The following SV2C variants were observed in gnomAD, a reference collection of about 807,000 sequenced individuals.
The protein encoded by SV2C is synaptic vesicle glycoprotein 2C, also known as solute carrier family 22 member B3.
Under a neutral mutation model 79.7 loss-of-function variants are expected in SV2C, and 49 were observed. The ratio of observed to expected loss-of-function variants is 0.61; its 90% confidence interval spans 0.49 to 0.78. The LOEUF (loss-of-function observed/expected upper bound fraction) is 0.78, where lower values mean the gene tolerates loss of function less well. SV2C is among the 30% of genes least tolerant of loss of function. The pLI is 0.00. For synonymous variants in SV2C, 334 were observed against 333.2 expected, an observed-to-expected ratio of 1.00 and a Z score of -0.03; for missense variants, 833 against 912.9, an observed-to-expected ratio of 0.91 and a Z score of 1.13.
chr5:76,032,409 C>T, the SV2C span, among the ~76,000 whole-genome samples: 26 of 152,152 alleles, frequency 1.7e-4, no homozygotes, highest in Non-Finnish European at 3.2e-4. Context: ...CCCCCGACCC[C>T]ACAACAGTTC....
At chr5:75,981,412 C>A in the SV2C span, among the ~76,000 whole-genome samples, 1 of 152,240 alleles carries the variant, frequency 6.6e-6, no homozygotes, top group East Asian at 1.9e-4. Flanking sequence ...GTAGCCAAGG[C>A]AATCCTAAGC....
the SV2C span, among the ~76,000 whole-genome samples, chr5:76,017,150 C>T: frequency 1.1e-4 from 16 of 152,322 alleles, no homozygotes; most frequent in East Asian, 3.1e-3. Context: ...ACTTCATCAG[C>T]TCTTAGCTTT....
chr5:76,294,819 AG>A (rs934290977), intron 8 of SV2C, among the ~76,000 whole-genome samples: 30 of 152,200 alleles, frequency 2.0e-4, no homozygotes, highest in African/African-American at 7.0e-4. Flanking sequence ...AGAGGCAGAA[AG>A]GGGAAATAAC....
chr5:76,145,070 C>A (rs924026308), intron 2 of SV2C, among the ~76,000 whole-genome samples: 1 of 152,328 alleles, frequency 6.6e-6, no homozygotes, highest in East Asian at 1.9e-4. Flanking sequence ...TACCTCCATA[C>A]TGGGAGGGGC....
chr5:75,934,098 A>G, the SV2C span, among the ~76,000 whole-genome samples: 1 of 152,052 alleles, frequency 6.6e-6, no homozygotes. Context: ...TCTCCATTTT[A>G]TGGAGTTTGG....
chr5:75,920,573 G>A, the SV2C span: 2 of 492,164 alleles, frequency 4.1e-6, no homozygotes, highest in Non-Finnish European at 7.2e-6. Flanking sequence ...GGCTGGATTG[G>A]ATCCTCTGAT....
chr5:76,007,961 C>T, the SV2C span, among the ~76,000 whole-genome samples: 1 of 152,114 alleles, frequency 6.6e-6, no homozygotes, highest in African/African-American at 2.4e-5. Context: ...GGATCCTTGC[C>T]TGGGTCAAGG....
the SV2C span, among the ~76,000 whole-genome samples, chr5:75,884,374 CT>C: frequency 1.3e-5 from 2 of 152,144 alleles, no homozygotes; most frequent in African/African-American, 4.8e-5. Flanking sequence ...TAATTAGAGA[CT>C]GTTTTAACTC....
chr5:75,896,746 T>G, the SV2C span, among the ~76,000 whole-genome samples: 2 of 149,096 alleles, frequency 1.3e-5, no homozygotes, highest in Non-Finnish European at 2.9e-5. Flanking sequence ...CCTGAGTTTT[T>G]AATGATTGCC....
chr5:75,962,117 T>C, the SV2C span, among the ~76,000 whole-genome samples: 3 of 152,216 alleles, frequency 2.0e-5, no homozygotes, highest in South Asian at 6.2e-4. Flanking sequence ...AGAAAATGCA[T>C]TTCTCCAGGA....
At chr5:76,096,888 G>A (rs1747581447) in intron 1 of SV2C, among the ~76,000 whole-genome samples, 2 of 152,210 alleles carry the variant, frequency 1.3e-5, no homozygotes, top group East Asian at 1.9e-4. Flanking sequence ...TTGGATTCAG[G>A]CTTTGATTTA....
intron 4 of SV2C, among the ~76,000 whole-genome samples, chr5:76,278,698 G>T (rs1747093969): frequency 6.6e-6 from 1 of 152,234 alleles, no homozygotes; most frequent in Non-Finnish European, 1.5e-5. Flanking sequence ...CCAGTTAGAG[G>T]ACCAGCAGAA....
chr5:75,911,229 T>C, the SV2C span: 1 of 1,564,232 alleles, frequency 6.4e-7, no homozygotes, highest in Non-Finnish European at 8.8e-7. Context: ...CTCCTACCAT[T>C]GGGAGTGGCA....
At chr5:76,014,169 G>GAAGAAAGA in the SV2C span, among the ~76,000 whole-genome samples, 1,035 of 140,142 alleles carry the variant, frequency 7.4e-3, 2 homozygotes, top group Middle Eastern at 0.026. Flanking sequence ...AGGAAGGAAG[G>GAAGAAAGA]AAGAAAGAAA....
chr5:75,895,377 A>G, the SV2C span, among the ~76,000 whole-genome samples: 1 of 152,204 alleles, frequency 6.6e-6, no homozygotes, highest in Admixed American at 6.5e-5. Flanking sequence ...TATTTTAAAT[A>G]TGTTCAAATA....
the SV2C span, among the ~76,000 whole-genome samples, chr5:75,953,972 C>G: frequency 1.3e-5 from 2 of 152,044 alleles, no homozygotes; most frequent in African/African-American, 2.4e-5. Context: ...CAAACCAAGA[C>G]AGTTGATGCC....
intron 12 of SV2C, among the ~76,000 whole-genome samples, chr5:76,321,807 G>C (rs929247692): frequency 1.3e-5 from 2 of 151,350 alleles, no homozygotes; most frequent in Non-Finnish European, 2.9e-5. Context: ...GTGTACTAAA[G>C]ATAATAATTT....
chr5:76,014,187 A>AGAAG, the SV2C span, among the ~76,000 whole-genome samples: 1 of 144,206 alleles, frequency 6.9e-6, no homozygotes, highest in Non-Finnish European at 1.5e-5. Context: ...AAAGAAAGAA[A>AGAAG]GAAGGAAAGA....
the SV2C span, among the ~76,000 whole-genome samples, chr5:75,981,384 A>T: frequency 6.6e-6 from 1 of 152,162 alleles, no homozygotes; most frequent in Non-Finnish European, 1.5e-5. Flanking sequence ...ATTCATATGG[A>T]ACCAAAAAAG....
Sources: gnomAD v4.1 joint callset for allele counts (sites outside exome capture counted in the v4.1 genomes callset) on GRCh38, gnomAD v4.1.1 for gene constraint, MANE v1.5 for transcripts, NCBI Gene and HGNC (gene_info 2026-07-23, HGNC 2026-07-21) for gene names.